The following SEC22C variants were observed in gnomAD, a reference collection of about 807,000 sequenced individuals.
SEC22C encodes SEC22 homolog C, vesicle trafficking protein.
A neutral mutation model predicts 34.7 loss-of-function variants in SEC22C; 29 were observed. The observed-to-expected ratio is 0.84, with a 90% CI of 0.62 to 1.14. The LOEUF is 1.14. Ranked by LOEUF, SEC22C falls within the 50% of genes most tolerant of loss-of-function variation. The probability of loss-of-function intolerance (pLI) is 0.00; values close to 1 mark genes in which losing one functional copy is unlikely to be tolerated. For missense variants in SEC22C, 337 were observed against 369.0 expected (o/e 0.91, Z 0.71); for synonymous variants, 117 against 132.8 (o/e 0.88, Z 0.82).
rs751050034 is a variant in SEC22C, at chr3:42,563,505, T to G, written c.346+18A>C. The G allele has an allele frequency of 6.3e-7, 1 of 1,595,974 alleles. No homozygotes were observed. The highest frequency in any genetic ancestry group is 8.5e-7 in the Non-Finnish European group (1 of 1,172,596). On this transcript the variant is annotated intron_variant, in intron 3 of 6. Transcript: ENST00000264454. ...ACACCATGGAAGAGAAAAATAAATA[T>G]GAAAGAGGGTTACAAACCAAACTCA...
At chr3:42,565,937 T>C in intron 2 of SEC22C, 2 of 453,788 alleles carry the variant, frequency 4.4e-6, no homozygotes, top group Admixed American at 4.8e-5. Flanking sequence ...AATATTTAAT[T>C]CAAAATTACA....
chr3:42,574,620 C>T (rs897423857), intron 1 of SEC22C, among the ~76,000 whole-genome samples: 4 of 151,840 alleles, frequency 2.6e-5, no homozygotes, highest in Admixed American at 1.3e-4. Context: ...TCTCAACATA[C>T]GTAAAGGAAC....
intron 1 of SEC22C, chr3:42,591,482 T>G (rs1351822236): frequency 6.6e-7 from 1 of 1,507,578 alleles, no homozygotes; most frequent in Non-Finnish European, 9.2e-7. Context: ...CGTGAGCCAC[T>G]GCGCCCGGCC....
chr3:42,588,071 C>CA, intron 1 of SEC22C, among the ~76,000 whole-genome samples: 1 of 148,312 alleles, frequency 6.7e-6, no homozygotes, highest in South Asian at 2.2e-4. Flanking sequence ...GAAACTGTCT[C>CA]AAAAAAACAA....
intron 1 of SEC22C, chr3:42,590,691 A>C: frequency 1.6e-6 from 1 of 621,244 alleles, no homozygotes; most frequent in African/African-American, 1.8e-5. Flanking sequence ...AGACTGCGCA[A>C]GCGCAAAGGA....
At chr3:42,574,659 T>C (rs1169711781) in intron 1 of SEC22C, among the ~76,000 whole-genome samples, 1 of 152,110 alleles carries the variant, frequency 6.6e-6, no homozygotes, top group Non-Finnish European at 1.5e-5. Context: ...ATGGGAGGGT[T>C]CAAAGACATA....
At chr3:42,599,649 G>A (rs531849941) in intron 1 of SEC22C, among the ~76,000 whole-genome samples, 1 of 149,664 alleles carries the variant, frequency 6.7e-6, no homozygotes, top group Non-Finnish European at 1.5e-5. Flanking sequence ...CCGAGATCCC[G>A]CCACTGCACT....
chr3:42,555,693 C>A (rs1017800725), intron 6 of SEC22C, among the ~76,000 whole-genome samples: 4 of 152,188 alleles, frequency 2.6e-5, no homozygotes, highest in African/African-American at 9.7e-5. Context: ...CTGTCAATAG[C>A]CCCTTGGCCT....
At position 42,552,229 on chromosome 3, in the gene SEC22C, A is replaced by C. The variant is rs1702289215; in HGVS notation, c.*1019T>G. On this transcript the variant is annotated 3_prime_UTR_variant, in exon 7 of 7. Transcript: ENST00000264454. ...TTGTTCATAAAAAATGAGGCCCTCA[A>C]GCTAATTAAGATGACTGGGAAAGGT... 2.0e-5 allele frequency: 20 copies of C among 985,432 alleles called. No homozygotes were observed. Among genetic ancestry groups the C allele is most frequent in the Non-Finnish European group, 2.4e-5 (20 of 829,918 alleles). 61.0% of individuals were successfully genotyped at this position (985,432 alleles called of 1,614,324 possible).
chr3:42,579,506 G>A (rs1704178237), intron 1 of SEC22C: 1 of 150,062 alleles, frequency 6.7e-6, no homozygotes, highest in Non-Finnish European at 1.5e-5. Flanking sequence ...GGAGTCTGAA[G>A]TGGGAGGATC....
At chr3:42,599,764 A>C (rs1705203802) in intron 1 of SEC22C, among the ~76,000 whole-genome samples, 1 of 152,206 alleles carries the variant, frequency 6.6e-6, no homozygotes, top group Non-Finnish European at 1.5e-5. Context: ...AAATGTTGAC[A>C]CTTACTTGAC....
At chr3:42,589,533 A>G (rs1704741562) in intron 1 of SEC22C, among the ~76,000 whole-genome samples, 1 of 152,174 alleles carries the variant, frequency 6.6e-6, no homozygotes. Context: ...GGGGACCGGT[A>G]CCGCATAGCA....
At chr3:42,558,485 CAAAA>C (rs769919883) in intron 4 of SEC22C, among the ~76,000 whole-genome samples, 2 of 97,670 alleles carry the variant, frequency 2.0e-5, no homozygotes, top group Non-Finnish European at 2.1e-5. Context: ...GACCTTGTCT[CAAAA>C]AAAAAAAAAA....
chr3:42,585,466 A>G (rs1704579603), upstream of SEC22C, among the ~76,000 whole-genome samples: 1 of 152,190 alleles, frequency 6.6e-6, no homozygotes. Flanking sequence ...CTGATCTTTC[A>G]TCTGTCCTTC....
chr3:42,582,288 G>A (rs904869446), upstream of SEC22C: 3 of 152,326 alleles, frequency 2.0e-5, no homozygotes, highest in Non-Finnish European at 4.4e-5. Context: ...GTAGCAACCG[G>A]ACTGACGTCT....
At chr3:42,568,678 G>A (rs148022624) in intron 2 of SEC22C, among the ~76,000 whole-genome samples, 187 bp downstream of exon 2, 6 of 150,648 alleles carry the variant, frequency 4.0e-5, no homozygotes, top group African/African-American at 1.5e-4. Flanking sequence ...AGTTGGAGCA[G>A]CCATTCCTGA....
intron 1 of SEC22C, among the ~76,000 whole-genome samples, chr3:42,593,869 G>A (rs1389252891): frequency 6.6e-6 from 1 of 152,204 alleles, no homozygotes; most frequent in Non-Finnish European, 1.5e-5. Context: ...AAGTAAGACA[G>A]AGAAAGCATC....
At chr3:42,579,438 CA>C (rs11326002) in intron 1 of SEC22C, 44,511 of 97,918 alleles carry the variant, frequency 0.45, 8,251 homozygotes, top group African/African-American at 0.59. Context: ...CCCATCTCTA[CA>C]AAAAAAAAAA....
intron 2 of SEC22C, among the ~76,000 whole-genome samples, chr3:42,568,145 TATAA>T (rs756543104): frequency 1.1e-4 from 16 of 151,990 alleles, no homozygotes; most frequent in African/African-American, 2.4e-4. Context: ...AAAGCAAAGG[TATAA>T]ATAAAGTAAA....
Sources: allele counts gnomAD v4.1 joint callset (sites outside exome capture counted in the v4.1 genomes callset), GRCh38; gene constraint gnomAD v4.1.1; transcripts MANE v1.5; gene names NCBI Gene and HGNC (gene_info 2026-07-23, HGNC 2026-07-21).